SEC14L3: variants seen among roughly 807,000 people sequenced by gnomAD.
SEC14L3 encodes SEC14-like protein 3.
In SEC14L3, 56 loss-of-function variants were observed where a neutral mutation model predicts 57.4. The observed-to-expected ratio is 0.97, with a 90% CI of 0.79 to 1.22. The LOEUF (loss-of-function observed/expected upper bound fraction) is 1.22. SEC14L3 is among the 50% of genes most tolerant of loss of function. The pLI is 0.00. For synonymous variants in SEC14L3, 173 were observed against 194.4 expected (o/e 0.89, Z 0.92); for missense variants, 485 against 511.7 (o/e 0.95, Z 0.50).
At chr22:30,471,579 T>A (rs1358727857) in intron 1 of SEC14L3, among the ~76,000 whole-genome samples, 1 of 152,210 alleles carries the variant, frequency 6.6e-6, no homozygotes, top group African/African-American at 2.4e-5. Context: ...CTCCTACCTA[T>A]GGTGCCTGGG....
chr22:30,469,968 C>G (rs776800100), intron 4 of SEC14L3, 51 bp downstream of exon 4: 1 of 1,403,566 alleles, frequency 7.1e-7, no homozygotes. Flanking sequence ...CCCCAGTGAC[C>G]TTGAGTGGTA....
At chr22:30,454,352 G>A (rs1262538734), downstream of SEC14L3, among the ~76,000 whole-genome samples, 6 of 151,870 alleles carry the variant, frequency 4.0e-5, no homozygotes, top group East Asian at 1.9e-4. Context: ...GGTGACTTGC[G>A]CAACAGAGAG....
At chr22:30,447,978 G>T (rs1235939002) in exon 13 of SEC14L3, 5 of 151,426 alleles carry the variant, frequency 3.3e-5, no homozygotes, top group Non-Finnish European at 5.9e-5. Context: ...TGCCCCCAAG[G>T]GTCTTCTGCT....
At chr22:30,448,075 C>G (rs1934912317) in exon 13 of SEC14L3, 1 of 152,114 alleles carries the variant, frequency 6.6e-6, no homozygotes, top group Non-Finnish European at 1.5e-5. Context: ...TTCCTCCTGC[C>G]CTCTCTGCCC....
At chr22:30,466,023 C>A (rs751799069) in intron 7 of SEC14L3, among the ~76,000 whole-genome samples, 4 of 152,194 alleles carry the variant, frequency 2.6e-5, no homozygotes, top group Admixed American at 6.5e-5. Flanking sequence ...TAAAAGGCAG[C>A]AAACAGGGAA....
At chr22:30,455,181 A>G (rs112586466), downstream of SEC14L3, among the ~76,000 whole-genome samples, 19,579 of 95,600 alleles carry the variant, frequency 0.2, 2,301 homozygotes, top group Non-Finnish European at 0.23. Context: ...ATTATATTTA[A>G]TATTTAATAT....
At chr22:30,454,869 C>T (rs143861112), downstream of SEC14L3, among the ~76,000 whole-genome samples, 2,675 of 14,488 alleles carry the variant, frequency 0.18, 305 homozygotes, top group African/African-American at 0.44. Flanking sequence ...TTATATAATA[C>T]ATAATATATT....
At chr22:30,450,189 T>C (rs946189072) in intron 12 of SEC14L3, among the ~76,000 whole-genome samples, 5 of 152,198 alleles carry the variant, frequency 3.3e-5, no homozygotes, top group Admixed American at 2.0e-4. Flanking sequence ...AGCGGGGGCA[T>C]GGAGTCCAGG....
chr22:30,459,766 G>A lies in SEC14L3; in HGVS notation c.*255C>T, dbSNP rs570300074. 2.7e-5 allele frequency: 31 copies of A among 1,168,888 alleles called. No homozygotes were observed. The South Asian group carries it at 9.0e-4, about 34-fold the overall frequency. 72.4% of individuals were successfully genotyped at this position (1,168,888 alleles called of 1,614,324 possible). ...GGGGATTCATTTTGCTATTTATTGAGTTTCATGACACCCACTTCTTGCCTT... is the reference window on the plus strand; with the variant it reads ...GGGGATTCATTTTGCTATTTATTGAATTTCATGACACCCACTTCTTGCCTT... On this transcript the variant is annotated 3_prime_UTR_variant, in exon 12 of 12. Transcript: ENST00000215812.
rs1935192760 is a variant in SEC14L3 at position 30,459,772 on chromosome 22, T to C, written c.*249A>G. On this transcript the variant is annotated 3_prime_UTR_variant, in exon 12 of 12. Transcript: ENST00000215812. ...TCATTTTGCTATTTATTGAGTTTCA[T>C]GACACCCACTTCTTGCCTTTACCCT... The C allele has an allele frequency of 1.7e-6, 2 of 1,176,832 alleles. No homozygotes were observed. The highest frequency in any genetic ancestry group is 3.1e-5 in the African/African-American group (2 of 64,828). 72.9% of individuals were successfully genotyped at this position (1,176,832 alleles called of 1,614,324 possible). A position where few individuals can be genotyped will look rare whatever the true frequency, so the allele number is the denominator to read the frequency against.
Position 30,470,580 on chromosome 22 carries a change from G to A in SEC14L3, c.57C>T (p.Phe19=), listed in dbSNP as rs774128195. The change falls in exon 2 of 12, where the codon TTC becomes TTT. Residue 19 remains phenylalanine, a splice_region_variant and synonymous_variant. Coordinates refer to ENST00000215812, the MANE Select transcript of SEC14L3 (RefSeq NM_174975.5). The part of the protein sequence containing the change: ...SPKQAETLAK[F]RENVQDVLPA... ...GAAGCACATCCTGGACGTTTTCTCGGAACTGGCAAGAGAGATGCTGGTTAA... is the reference window on the plus strand; with the variant it reads ...GAAGCACATCCTGGACGTTTTCTCGAAACTGGCAAGAGAGATGCTGGTTAA... 1 of 1,614,174 alleles carries A rather than the reference G, an allele frequency of 6.2e-7. No individual in the cohort carries two copies. Among genetic ancestry groups the A allele is most frequent in the East Asian group, 2.2e-5 (1 of 44,876 alleles).
intron 12 of SEC14L3, among the ~76,000 whole-genome samples, chr22:30,451,057 T>G (rs1177696664): frequency 1.3e-5 from 2 of 152,140 alleles, no homozygotes; most frequent in Non-Finnish European, 2.9e-5. Context: ...TGCAGGTGAT[T>G]AGTGGGAAAG....
rs774357718 is a variant in SEC14L3, at chr22:30,470,057, T to C, written c.196A>G (p.Met66Val). The change falls in exon 4 of 12, where the codon ATG (methionine) becomes GTG (valine). Residue 66 changes from methionine (M) to valine (V), a missense_variant. Coordinates refer to ENST00000215812, the MANE Select transcript of SEC14L3 (RefSeq NM_174975.5). Reference sequence around the variant, plus strand: ...CAATCAAGGATATGGTCAATATCCATGGTCTTCCGGAACTCCATGTACTGA... The same window carrying C: ...CAATCAAGGATATGGTCAATATCCACGGTCTTCCGGAACTCCATGTACTGA... ...LRKYMEFRKT[M>V]DIDHILDWQP... 6.3e-7 allele frequency: 1 copy of C among 1,595,238 alleles called. No individual in the cohort carries two copies. Among genetic ancestry groups the C allele is most frequent in the South Asian group, 1.1e-5 (1 of 88,066 alleles).
downstream of SEC14L3, among the ~76,000 whole-genome samples, chr22:30,454,593 TATATAATCTATAATATTATTAG>T (rs1569225049): frequency 2.2e-3 from 201 of 89,602 alleles, 2 homozygotes; most frequent in Non-Finnish European, 2.6e-3. Context: ...AATATTATTA[TATATAATCTATAATATTATTAG>T]ATATAATCTA....
chr22:30,453,925 C>G (rs1179008404), intron 12 of SEC14L3, among the ~76,000 whole-genome samples: 1 of 152,180 alleles, frequency 6.6e-6, no homozygotes, highest in Non-Finnish European at 1.5e-5. Flanking sequence ...GGTGCAGGGT[C>G]TAGGGGGCCT....
rs749424880 is a variant in SEC14L3 at position 30,471,897 on chromosome 22, G to A, written c.54+8C>T. ...GTCTTCCGGAACTCCAGGGGGAGGG[G>A]CTCTCACCTTGGCCAGGGTCTCTGC... is the stretch of plus-strand genomic sequence containing the variant. On this transcript the variant is annotated splice_region_variant and intron_variant, in intron 1 of 11. Transcript: ENST00000215812. The A allele has an allele frequency of 2.5e-6, 4 of 1,613,198 alleles. No individual in the cohort carries two copies. In the East Asian group the frequency reaches 8.9e-5, roughly 36 times the overall value.
downstream of SEC14L3, among the ~76,000 whole-genome samples, chr22:30,457,657 A>G (rs1353394646): frequency 6.6e-6 from 1 of 150,584 alleles, no homozygotes; most frequent in Non-Finnish European, 1.5e-5. Context: ...TGTTGGGATT[A>G]TAGGCATGAG....
chr22:30,467,179 C>G, intron 5 of SEC14L3, 102 bp from the exon 6 acceptor site: 2 of 1,527,766 alleles, frequency 1.3e-6, no homozygotes, highest in Non-Finnish European at 8.8e-7. Flanking sequence ...TAGACCCCGA[C>G]TCTGTCCTCA....
intron 1 of SEC14L3, chr22:30,471,096 C>A (rs190550166): frequency 3.0e-6 from 1 of 335,230 alleles, no homozygotes; most frequent in Non-Finnish European, 5.8e-6. Context: ...ACCAGCCTGG[C>A]CAACATGGTG....
Sources: allele counts gnomAD v4.1 joint callset (sites outside exome capture counted in the v4.1 genomes callset), GRCh38; gene constraint gnomAD v4.1.1; transcripts MANE v1.5; gene names NCBI Gene and HGNC (gene_info 2026-07-23, HGNC 2026-07-21).